Variants in ATG2B observed in about 807,000 individuals in gnomAD.
ATG2B encodes autophagy-related protein 2 homolog B.
Under a neutral mutation model 241.3 loss-of-function variants are expected in ATG2B, and 121 were observed. The observed-to-expected ratio is 0.50, with a 90% CI of 0.43 to 0.58. ATG2B has a LOEUF of 0.58. ATG2B is among the 20% of genes least tolerant of loss of function. The pLI is 0.00. For synonymous variants in ATG2B, 858 were observed against 876.6 expected (o/e 0.98, Z 0.37); for missense variants, 2,306 against 2,491.6 (o/e 0.93, Z 1.59).
intron 18 of ATG2B, among the ~76,000 whole-genome samples, chr14:96,320,359 T>TA (rs200254114): frequency 1.3e-3 from 202 of 151,528 alleles, no homozygotes; most frequent in South Asian, 1.5e-3. Context: ...CAGACTGGGG[T>TA]AAAAAAAAAT....
rs774358455 is a variant in ATG2B, at chr14:96,309,608, A to G, written c.4162-14T>C. On this transcript the variant is annotated splice_polypyrimidine_tract_variant and intron_variant, in intron 28 of 41. Coordinates refer to ENST00000359933, the MANE Select transcript of ATG2B (RefSeq NM_018036.7). Reference sequence around the variant, plus strand: ...ACTGGAATCTACCTATAGCCAAAAAACCTAATTAAAAATAACTGAAAATGC... The same window carrying G: ...ACTGGAATCTACCTATAGCCAAAAAGCCTAATTAAAAATAACTGAAAATGC... 1.3e-5 allele frequency: 21 copies of G among 1,582,480 alleles called. No homozygotes were observed. In the Admixed American group the frequency reaches 3.3e-4, roughly 25 times the overall value.
chr14:96,354,743 T>C (rs1888427684), intron 1 of ATG2B, among the ~76,000 whole-genome samples: 1 of 152,226 alleles, frequency 6.6e-6, no homozygotes, highest in Admixed American at 6.5e-5. Context: ...CCATCAACAG[T>C]GTAAAAGCAT....
chr14:96,313,580 C>A, intron 23 of ATG2B, 145 bp from the exon 24 acceptor site: 2 of 510,246 alleles, frequency 3.9e-6, no homozygotes, highest in Non-Finnish European at 6.9e-6. Context: ...AAAAAATCAT[C>A]ATTTTGAAGG....
intron 14 of ATG2B, 65 bp from the exon 15 acceptor site, chr14:96,325,987 T>G (rs1246285016): frequency 4.1e-6 from 6 of 1,479,052 alleles, no homozygotes; most frequent in Non-Finnish European, 5.5e-6. Context: ...TTACACAGTA[T>G]TCAACATTAC....
chr14:96,323,912 CATCTGACGATGT>C lies in ATG2B; in HGVS notation c.2512_2523del (p.Thr838_Asp841del). The stretch of plus-strand genomic sequence containing the variant: ...CTTACTCACCGTGGCCAGTCAAAGT[CATCTGACGATGT>C]TGTATCTCCATCTACTCCACTAGAC... On this transcript the variant is annotated inframe_deletion, in exon 16 of 42. Coordinates refer to ENST00000359933, the MANE Select transcript of ATG2B (RefSeq NM_018036.7). 1 of 1,609,136 alleles carries C rather than the reference CATCTGACGATGT, an allele frequency of 6.2e-7. No homozygotes were observed. Among genetic ancestry groups the C allele is most frequent in the Non-Finnish European group, 8.5e-7 (1 of 1,177,848 alleles).
At position 96,329,639 on chromosome 14, in the gene ATG2B, T is replaced by C. The variant is rs1420987460; in HGVS notation, c.1731-5A>G. 3.2e-6 allele frequency: 5 copies of C among 1,569,988 alleles called. No individual in the cohort carries two copies. Among genetic ancestry groups the C allele is most frequent in the Non-Finnish European group, 4.4e-6 (5 of 1,148,644 alleles). ...TTAATGCCAGTACCTATAAATCTAT[T>C]ATAAAAAATGCACCATTTAAGATTA... is the stretch of plus-strand genomic sequence containing the variant. On this transcript the variant is annotated splice_polypyrimidine_tract_variant and splice_region_variant and intron_variant, in intron 11 of 41. Transcript: ENST00000359933.
At chr14:96,339,266 T>C (rs1887944559) in intron 6 of ATG2B, among the ~76,000 whole-genome samples, 4 of 135,900 alleles carry the variant, frequency 2.9e-5, no homozygotes, top group Non-Finnish European at 3.1e-5. Flanking sequence ...ACCCAGCAAT[T>C]CCACAGTGTG....
chr14:96,317,602 A>G, intron 19 of ATG2B, 96 bp downstream of exon 19: 1 of 1,103,020 alleles, frequency 9.1e-7, no homozygotes. Context: ...AGTTACAATG[A>G]AACATAAAGA....
At chr14:96,326,445 A>G (rs181472736) in intron 14 of ATG2B, among the ~76,000 whole-genome samples, 15 of 152,300 alleles carry the variant, frequency 9.8e-5, no homozygotes, top group Admixed American at 2.0e-4. Context: ...ATAAATATTC[A>G]CTAAATGACG....
chr14:96,355,712 AT>A (rs1888454130), intron 1 of ATG2B, among the ~76,000 whole-genome samples: 1 of 152,172 alleles, frequency 6.6e-6, no homozygotes, highest in Non-Finnish European at 1.5e-5. Context: ...GATGAGCTCT[AT>A]AAAGGAACTC....
intron 19 of ATG2B, 120 bp from the exon 20 acceptor site, chr14:96,317,437 G>C: frequency 1.2e-6 from 1 of 866,610 alleles, no homozygotes; most frequent in Non-Finnish European, 1.7e-6. Context: ...TGTGAACACA[G>C]AAATACATAC....
At chr14:96,292,375 A>T (rs557305909) in intron 36 of ATG2B, among the ~76,000 whole-genome samples, 1 of 152,178 alleles carries the variant, frequency 6.6e-6, no homozygotes, top group Non-Finnish European at 1.5e-5. Context: ...AATAAAAATA[A>T]TACTAACATA....
At chr14:96,329,380 A>G in intron 12 of ATG2B, 104 bp downstream of exon 12, 1 of 745,986 alleles carries the variant, frequency 1.3e-6, no homozygotes, top group Non-Finnish European at 2.1e-6. Context: ...TATTCCTCCT[A>G]TGGCTTTCTA....
chr14:96,295,243 ATTTG>A (rs1350215591), intron 35 of ATG2B, 76 bp from the exon 36 acceptor site: 4 of 1,330,914 alleles, frequency 3.0e-6, no homozygotes, highest in Non-Finnish European at 3.1e-6. Flanking sequence ...TCTTGATCTA[ATTTG>A]TTTTTCTACA....
At chr14:96,334,543 A>C (rs775448930) in intron 6 of ATG2B, 42 bp from the exon 7 acceptor site, 3 of 1,194,572 alleles carry the variant, frequency 2.5e-6, no homozygotes, top group Non-Finnish European at 3.6e-6. Context: ...AGTATTCTTT[A>C]TAACCTTATC....
At chr14:96,297,267 A>G (rs1886668940) in intron 34 of ATG2B, among the ~76,000 whole-genome samples, 1 of 151,738 alleles carries the variant, frequency 6.6e-6, no homozygotes, top group African/African-American at 2.4e-5. Context: ...AAAAAACAGC[A>G]AATTTTCAGG....
chr14:96,282,727 T>C lies in ATG2B; in HGVS notation c.*3028A>G, dbSNP rs1886232213. 6.6e-6 allele frequency: 1 copy of C among 152,256 alleles called. No homozygotes were observed. Among genetic ancestry groups the C allele is most frequent in the Non-Finnish European group, 1.5e-5 (1 of 68,056 alleles). The allele number at this position is 152,256 out of a possible 1,614,324, so 9.4% of individuals were successfully genotyped here. On this transcript the variant is annotated 3_prime_UTR_variant, in exon 42 of 42. Coordinates refer to ENST00000359933, the MANE Select transcript of ATG2B (RefSeq NM_018036.7). ...GGCAGACACAGTTGTCTGGACTCTT[T>C]TGGAAATGAACAAAGACACTAAACC... is the stretch of plus-strand genomic sequence containing the variant.
At chr14:96,314,958 T>C (rs1449543600) in intron 23 of ATG2B, among the ~76,000 whole-genome samples, 196 bp downstream of exon 23, 1 of 152,260 alleles carries the variant, frequency 6.6e-6, no homozygotes, top group Non-Finnish European at 1.5e-5. Flanking sequence ...CCCAAAGTGC[T>C]GGGATTACAG....
At position 96,329,497 on chromosome 14, in the gene ATG2B, G is replaced by T; in HGVS notation, c.1868C>A (p.Pro623His). 1 of 1,610,750 alleles carries T rather than the reference G, an allele frequency of 6.2e-7. No individual in the cohort carries two copies. Among genetic ancestry groups the T allele is most frequent in the Non-Finnish European group, 8.5e-7 (1 of 1,177,966 alleles). ...TTCAATATTTACCTCTGTATAGTGA[G>T]GAGGAACAGAATGAAAATCAGTTGG... ...LFPTDFHSVP[P>H]HYTELLTFHS... Residue 623 changes from proline to histidine, a missense_variant, in exon 12 of 42, where the codon CCT (proline) becomes CAT (histidine). Transcript: ENST00000359933.
Sources: allele counts gnomAD v4.1 joint callset (sites outside exome capture counted in the v4.1 genomes callset), GRCh38; gene constraint gnomAD v4.1.1; transcripts MANE v1.5; gene names NCBI Gene and HGNC (gene_info 2026-07-23, HGNC 2026-07-21).